The following PDE4D variants were observed in gnomAD, a reference collection of about 807,000 sequenced individuals.
The protein encoded by PDE4D is 3',5'-cyclic-AMP phosphodiesterase 4D.
PDE4D carries 24 observed loss-of-function variants against 87.4 expected under a neutral mutation model. The ratio of observed to expected loss-of-function variants is 0.27; its 90% CI spans 0.20 to 0.39. The LOEUF (loss-of-function observed/expected upper bound fraction) is 0.39. PDE4D is among the 10% of genes least tolerant of loss of function. The pLI is 1.00. For synonymous variants in PDE4D, 384 were observed against 383.2 expected (o/e 1.00, Z -0.02); for missense variants, 714 against 1,041.0 (o/e 0.69, Z 4.32).
chr5:60,256,134 A>G (rs556688455), intron 1 of PDE4D, among the ~76,000 whole-genome samples: 7 of 152,004 alleles, frequency 4.6e-5, no homozygotes, highest in African/African-American at 1.4e-4. Context: ...GAGAGTTATC[A>G]CCATCAGATT....
At chr5:59,093,451 G>A (rs751164230) in intron 5 of PDE4D, among the ~76,000 whole-genome samples, 1 of 152,180 alleles carries the variant, frequency 6.6e-6, no homozygotes, top group African/African-American at 2.4e-5. Flanking sequence ...TTTGCAATAA[G>A]AAACCCAACT....
chr5:59,404,690 C>T (rs981221775), intron 1 of PDE4D, among the ~76,000 whole-genome samples: 2 of 145,888 alleles, frequency 1.4e-5, no homozygotes, highest in East Asian at 4.0e-4. Context: ...AATCTTTGCT[C>T]AGGCCAATGT....
At chr5:60,167,020 T>C (rs1349279702) in intron 2 of PDE4D, among the ~76,000 whole-genome samples, 1 of 152,168 alleles carries the variant, frequency 6.6e-6, no homozygotes, top group African/African-American at 2.4e-5. Flanking sequence ...GTAATATGTA[T>C]TGAATAGTCT....
At chr5:59,039,193 C>T (rs1759146635) in intron 5 of PDE4D, 3 of 1,307,704 alleles carry the variant, frequency 2.3e-6, no homozygotes, top group Non-Finnish European at 2.9e-6. Flanking sequence ...TCCAGCTTGG[C>T]GTCTCGGGTC....
At position 60,147,790 on chromosome 5, in the gene PDE4D, G is replaced by A. The variant is rs1361019378; in HGVS notation, c.42+37767C>T. On this transcript the variant is annotated intron_variant, in intron 2 of 16. Transcript: ENST00000502484. ...TCAGTTCCTTGCTGACTGTTGGCTG[G>A]AGGCCTCCATATTTTACCATGTGGC... The A allele has an allele frequency of 8.8e-6, 4 of 455,912 alleles. No individual in the cohort carries two copies. The Admixed American group carries it at 9.4e-5, about 11-fold the overall frequency. The allele number at this position is 455,912 out of a possible 1,614,324, so 28.2% of individuals were successfully genotyped here. A position where few individuals can be genotyped will look rare whatever the true frequency, so the allele number is the denominator to read the frequency against.
intron 2 of PDE4D, among the ~76,000 whole-genome samples, chr5:60,087,699 A>C (rs932729433): frequency 6.6e-6 from 1 of 152,150 alleles, no homozygotes; most frequent in Non-Finnish European, 1.5e-5. Context: ...TTACCCAGTC[A>C]GAGAAGCAAA....
intron 1 of PDE4D, among the ~76,000 whole-genome samples, chr5:59,384,746 T>C (rs888986819): frequency 5.3e-5 from 8 of 152,030 alleles, no homozygotes; most frequent in African/African-American, 1.9e-4. Flanking sequence ...ACTCTATAAT[T>C]CTAAGTAATA....
intron 1 of PDE4D, among the ~76,000 whole-genome samples, chr5:59,338,264 G>A (rs1778076961): frequency 2.0e-5 from 3 of 152,228 alleles, no homozygotes; most frequent in Middle Eastern, 3.4e-3. Context: ...AGGCAAAAGT[G>A]GGATCTCATG....
intron 1 of PDE4D, among the ~76,000 whole-genome samples, chr5:59,581,808 G>T (rs1001490574): frequency 1.3e-5 from 2 of 152,080 alleles, no homozygotes; most frequent in African/African-American, 4.8e-5. Context: ...ACAGCTGATG[G>T]CAACAAAAGA....
At chr5:60,022,578 GCT>G (rs1401652012) in intron 2 of PDE4D, 2 of 152,048 alleles carry the variant, frequency 1.3e-5, no homozygotes, top group African/African-American at 2.4e-5. Flanking sequence ...GAGCATCCCA[GCT>G]CTCTCTCTGT....
At chr5:60,089,220 C>T (rs182227340) in intron 2 of PDE4D, among the ~76,000 whole-genome samples, 30 of 152,070 alleles carry the variant, frequency 2.0e-4, no homozygotes, top group African/African-American at 6.5e-4. Flanking sequence ...AACATTTTAC[C>T]CCATAGCTGA....
At chr5:59,253,473 C>T (rs1381877359) in intron 1 of PDE4D, among the ~76,000 whole-genome samples, 1 of 152,074 alleles carries the variant, frequency 6.6e-6, no homozygotes, top group Non-Finnish European at 1.5e-5. Flanking sequence ...CTCAAACTCC[C>T]TCCACCTGCA....
chr5:58,998,058 G>A (rs534653175), intron 6 of PDE4D, among the ~76,000 whole-genome samples: 1 of 152,062 alleles, frequency 6.6e-6, no homozygotes, highest in East Asian at 1.9e-4. Flanking sequence ...GCACTGTGAT[G>A]CATTACAAGT....
intron 9 of PDE4D, 89 bp from the exon 10 acceptor site, chr5:58,990,008 G>C (rs988118070): frequency 2.7e-6 from 2 of 749,772 alleles, no homozygotes; most frequent in Non-Finnish European, 4.4e-6. Flanking sequence ...TCACACACCA[G>C]TGTTGCCAGT....
intron 1 of PDE4D, among the ~76,000 whole-genome samples, chr5:59,493,724 A>G (rs1402997364): frequency 1.3e-5 from 2 of 152,218 alleles, no homozygotes; most frequent in African/African-American, 4.8e-5. Flanking sequence ...AAGATCAGAA[A>G]CTGAATGAAT....
chr5:59,035,638 G>T (rs939672284), intron 6 of PDE4D, among the ~76,000 whole-genome samples: 1 of 152,136 alleles, frequency 6.6e-6, no homozygotes, highest in African/African-American at 2.4e-5. Context: ...GACTTTTCAA[G>T]ATAGTTATTA....
chr5:59,524,530 C>G (rs1213750416), intron 1 of PDE4D, among the ~76,000 whole-genome samples: 3 of 152,162 alleles, frequency 2.0e-5, no homozygotes, highest in African/African-American at 7.2e-5. Flanking sequence ...AAATTTGCAG[C>G]CTGATGATGT....
chr5:59,788,143 T>C (rs1268827073), intron 1 of PDE4D, among the ~76,000 whole-genome samples: 6 of 152,198 alleles, frequency 3.9e-5, no homozygotes, highest in South Asian at 2.1e-4. Flanking sequence ...ATAGACATCA[T>C]GGAAGACTTT....
At chr5:59,742,221 ATTT>A (rs1758954045) in intron 1 of PDE4D, among the ~76,000 whole-genome samples, 1 of 151,954 alleles carries the variant, frequency 6.6e-6, no homozygotes, top group Non-Finnish European at 1.5e-5. Flanking sequence ...GCACTACCAT[ATTT>A]GGTGAATTTT....
Sources: gnomAD v4.1 joint callset for allele counts (sites outside exome capture counted in the v4.1 genomes callset) on GRCh38, gnomAD v4.1.1 for gene constraint, MANE v1.5 for transcripts, NCBI Gene and HGNC (gene_info 2026-07-23, HGNC 2026-07-21) for gene names.